RAB6A: variants seen among roughly 807,000 people sequenced by gnomAD.
RAB6A encodes RAB6A, member RAS oncogene family, also known as ras-related protein Rab-6A.
Under a neutral mutation model 32.3 loss-of-function variants are expected in RAB6A, and 8 were observed. That is an observed-to-expected ratio of 0.25 (90% CI 0.15 to 0.45). RAB6A has a LOEUF of 0.45. Ranked by LOEUF, RAB6A falls within the 20% of genes least tolerant of loss-of-function variation. RAB6A has a pLI of 1.00. For synonymous variants in RAB6A, 73 were observed against 82.1 expected (o/e 0.89, Z 0.60); for missense variants, 104 against 249.4 (o/e 0.42, Z 3.93).
At chr11:73,703,068 T>C (rs1462663165) in intron 6 of RAB6A, among the ~76,000 whole-genome samples, 1 of 151,632 alleles carries the variant, frequency 6.6e-6, no homozygotes, top group African/African-American at 2.4e-5. Flanking sequence ...GTGATCCGCC[T>C]GCCTCAGCCT....
chr11:73,711,130 C>A (rs1945951877), intron 5 of RAB6A, among the ~76,000 whole-genome samples: 1 of 152,114 alleles, frequency 6.6e-6, no homozygotes, highest in Non-Finnish European at 1.5e-5. Context: ...ACTCTGCGGG[C>A]ACCACCAGGA....
chr11:73,745,601 T>C (rs774340796), intron 1 of RAB6A, among the ~76,000 whole-genome samples: 3 of 151,814 alleles, frequency 2.0e-5, no homozygotes, highest in Non-Finnish European at 4.4e-5. Flanking sequence ...AAAAATGAGA[T>C]GGGTGGATCA....
chr11:73,748,362 T>A (rs1946623180), intron 1 of RAB6A, among the ~76,000 whole-genome samples: 2 of 152,204 alleles, frequency 1.3e-5, no homozygotes. Context: ...AAGGAGGTCT[T>A]CCTCTTTGAG....
Position 73,676,856 on chromosome 11 carries a change from T to C in RAB6A, c.*1042A>G, listed in dbSNP as rs983803479. On this transcript the variant is annotated 3_prime_UTR_variant, in exon 8 of 8. Transcript: ENST00000336083. ...ATCATTATTTCTACTAATTCAGTAG[T>C]TTTGATCGTAGCGCCAAATTTAAAT... 1.8e-5 allele frequency: 3 copies of C among 167,088 alleles called. No homozygotes were observed. The highest frequency in any genetic ancestry group is 7.2e-5 in the African/African-American group (3 of 41,478). 10.4% of individuals were successfully genotyped at this position (167,088 alleles called of 1,614,324 possible).
chr11:73,757,790 CAA>C (rs924519262), intron 1 of RAB6A, among the ~76,000 whole-genome samples: 1 of 152,100 alleles, frequency 6.6e-6, no homozygotes, highest in Non-Finnish European at 1.5e-5. Context: ...GTAACCATGT[CAA>C]AGAGTGTAAC....
chr11:73,740,582 T>A (rs1301662878), intron 1 of RAB6A, among the ~76,000 whole-genome samples: 1 of 147,234 alleles, frequency 6.8e-6, no homozygotes, highest in Admixed American at 6.8e-5. Context: ...CTCCTAAAGT[T>A]AATTTAAAAA....
chr11:73,735,920 TAAA>T (rs10676769), intron 1 of RAB6A, among the ~76,000 whole-genome samples: 3 of 87,080 alleles, frequency 3.4e-5, no homozygotes, highest in Non-Finnish European at 4.4e-5. Context: ...AACCTTGCCT[TAAA>T]AAAAAAAAAA....
At chr11:73,757,348 T>G (rs371182114) in intron 1 of RAB6A, among the ~76,000 whole-genome samples, 1 of 149,626 alleles carries the variant, frequency 6.7e-6, no homozygotes, top group Non-Finnish European at 1.5e-5. Context: ...GGCCATGGGG[T>G]GGGGGGGAGC....
Position 73,750,838 on chromosome 11 carries a change from G to A in RAB6A, c.70+9728C>T, listed in dbSNP as rs1946660455. ...TTATAGAATGTACTTTTTTTTTGAG[G>A]CAGGGTCTTGCTCTGTCTCCCAGGC... On this transcript the variant is annotated intron_variant, in intron 1 of 7. Transcript: ENST00000336083. 2.0e-5 allele frequency among the ~76,000 whole-genome samples: 3 copies of A among 151,508 alleles called. No individual in the cohort carries two copies. In the South Asian group the frequency reaches 6.2e-4, roughly 31 times the overall value.
intron 6 of RAB6A, among the ~76,000 whole-genome samples, chr11:73,681,862 G>T (rs1409889195): frequency 6.6e-6 from 1 of 152,028 alleles, no homozygotes; most frequent in Non-Finnish European, 1.5e-5. Context: ...ATTTTGATCT[G>T]GTAGACAAAA....
At chr11:73,744,760 A>T (rs1319309792) in intron 1 of RAB6A, among the ~76,000 whole-genome samples, 2 of 152,082 alleles carry the variant, frequency 1.3e-5, no homozygotes, top group Non-Finnish European at 2.9e-5. Flanking sequence ...GCAGGTCATG[A>T]GGTCAAGAGA....
At chr11:73,712,131 T>C (rs1374928337) in intron 5 of RAB6A, among the ~76,000 whole-genome samples, 1 of 152,184 alleles carries the variant, frequency 6.6e-6, no homozygotes, top group African/African-American at 2.4e-5. Context: ...ATTAGTATCA[T>C]TAAGAACCAG....
chr11:73,704,788 A>T (rs1431036821), intron 6 of RAB6A, among the ~76,000 whole-genome samples: 3 of 151,942 alleles, frequency 2.0e-5, no homozygotes, highest in African/African-American at 4.8e-5. Context: ...CGAGGTCAGG[A>T]GATCGAGACC....
chr11:73,727,248 C>A (rs1443177246), intron 2 of RAB6A, among the ~76,000 whole-genome samples: 1 of 151,652 alleles, frequency 6.6e-6, no homozygotes, highest in Admixed American at 6.6e-5. Context: ...ATGGCAAAAA[C>A]CCATCTGTAC....
At chr11:73,722,305 G>GTATGTGTGTGTGTGTGTGTGTGTA (rs1555061991) in intron 2 of RAB6A, 1 of 42,368 alleles carries the variant, frequency 2.4e-5, no homozygotes. Flanking sequence ...ATGTGTGTGT[G>GTATGTGTGTGTGTGTGTGTGTGTA]TATATATATA....
intron 1 of RAB6A, among the ~76,000 whole-genome samples, chr11:73,741,645 T>C (rs753154353): frequency 3.9e-5 from 6 of 152,140 alleles, no homozygotes; most frequent in Non-Finnish European, 8.8e-5. Context: ...AACTGTGGTA[T>C]ATCCACACAA....
At chr11:73,731,721 T>TA in intron 1 of RAB6A, among the ~76,000 whole-genome samples, 1 of 11,142 alleles carries the variant, frequency 9.0e-5, no homozygotes, top group Non-Finnish European at 2.0e-4. Context: ...TATATATATA[T>TA]ATATATATAT....
chr11:73,679,793 T>C, intron 6 of RAB6A, 73 bp from the exon 7 acceptor site: 1 of 1,584,564 alleles, frequency 6.3e-7, no homozygotes, highest in Non-Finnish European at 8.7e-7. Flanking sequence ...ATGATCACTG[T>C]ACAGTGAGCT....
chr11:73,749,403 AGT>A (rs1946641231), intron 1 of RAB6A, among the ~76,000 whole-genome samples: 1 of 152,190 alleles, frequency 6.6e-6, no homozygotes, highest in African/African-American at 2.4e-5. Flanking sequence ...CACTGGGTAG[AGT>A]GTACACTGCT....
Sources: gnomAD v4.1 joint callset for allele counts (sites outside exome capture counted in the v4.1 genomes callset) on GRCh38, gnomAD v4.1.1 for gene constraint, MANE v1.5 for transcripts, NCBI Gene and HGNC (gene_info 2026-07-23, HGNC 2026-07-21) for gene names.